The following PLEKHH2 variants were observed in gnomAD, a reference collection of about 807,000 sequenced individuals.
PLEKHH2 encodes the protein pleckstrin homology, MyTH4 and FERM domain containing H2, also known as pleckstrin homology domain-containing family H member 2.
A neutral mutation model predicts 187.9 loss-of-function variants in PLEKHH2; 129 were observed. The observed-to-expected ratio is 0.69, with a 90% CI of 0.59 to 0.79. PLEKHH2 has a LOEUF of 0.79. PLEKHH2 is among the 30% of genes least tolerant of loss of function. The probability of loss-of-function intolerance (pLI) is 0.00; values close to 1 mark genes in which losing one functional copy is unlikely to be tolerated. For missense variants in PLEKHH2, 2,076 were observed against 1,751.2 expected, an observed-to-expected ratio of 1.19 and a Z score of -3.31; for synonymous variants, 686 against 605.6, an observed-to-expected ratio of 1.13 and a Z score of -1.95.
intron 2 of PLEKHH2, among the ~76,000 whole-genome samples, chr2:43,667,998 C>G (rs1475569991): frequency 6.6e-6 from 1 of 152,144 alleles, no homozygotes; most frequent in African/African-American, 2.4e-5. Context: ...ATACTGCCTG[C>G]TCTTTAACAA....
At chr2:43,642,773 A>G (rs1008806019) in intron 1 of PLEKHH2, among the ~76,000 whole-genome samples, 1 of 152,044 alleles carries the variant, frequency 6.6e-6, no homozygotes, top group Non-Finnish European at 1.5e-5. Context: ...ATTGATTTCA[A>G]TTTGTTGAAA....
rs376851824 is a variant in PLEKHH2, at chr2:43,710,584, CTTTTTTTT to C, written c.2301+26_2301+33del. 9.9e-5 allele frequency: 123 copies of C among 1,242,460 alleles called. No individual in the cohort carries two copies. The highest frequency in any genetic ancestry group is 5.6e-4 in the African/African-American group (30 of 53,942). The allele number at this position is 1,242,460 out of a possible 1,614,324, so 77.0% of individuals were successfully genotyped here. On this transcript the variant is annotated intron_variant, in intron 14 of 29. Coordinates refer to ENST00000282406, the MANE Select transcript of PLEKHH2 (RefSeq NM_172069.4). ...ACAAACAAACAGTTCAGGTACTTAA[CTTTTTTTT>C]TTTTTTTTTTTTTTTTGTATCATGC...
chr2:43,682,204 AT>A (rs1331285076), intron 3 of PLEKHH2, among the ~76,000 whole-genome samples: 6 of 152,368 alleles, frequency 3.9e-5, no homozygotes, highest in African/African-American at 1.2e-4. Flanking sequence ...ATTACCAGTA[AT>A]TCTTCAGTAT....
chr2:43,721,070 GA>G (rs1670455948), intron 16 of PLEKHH2, among the ~76,000 whole-genome samples: 1 of 152,150 alleles, frequency 6.6e-6, no homozygotes, highest in Non-Finnish European at 1.5e-5. Flanking sequence ...AAGGTTGATA[GA>G]AGGAAGCAGC....
Position 43,693,204 on chromosome 2 carries a change from C to T in PLEKHH2, c.336+541C>T, listed in dbSNP as rs1478744693. 3.3e-5 allele frequency among the ~76,000 whole-genome samples: 5 copies of T among 152,302 alleles called. No individual in the cohort carries two copies. In the East Asian group the frequency reaches 7.7e-4, roughly 23 times the overall value. On this transcript the variant is annotated intron_variant, in intron 4 of 29. Transcript: ENST00000282406. ...CCTCCCAACCTGCTGGGATTACAGG[C>T]ATGAGCCACCATGCCCAGCCAGATG...
intron 3 of PLEKHH2, among the ~76,000 whole-genome samples, chr2:43,685,530 CA>C (rs1668460480): frequency 6.6e-6 from 1 of 152,026 alleles, no homozygotes; most frequent in Non-Finnish European, 1.5e-5. Context: ...TGTGCTCAAG[CA>C]ATCCTCCCAC....
chr2:43,728,787 C>G (rs1252046107), intron 17 of PLEKHH2, among the ~76,000 whole-genome samples: 1 of 151,916 alleles, frequency 6.6e-6, no homozygotes, highest in Non-Finnish European at 1.5e-5. Context: ...GTCTCAAACC[C>G]CTGACCTCAG....
chr2:43,753,897 C>A, intron 25 of PLEKHH2, 137 bp downstream of exon 25: 1 of 690,658 alleles, frequency 1.4e-6, no homozygotes, highest in Non-Finnish European at 2.2e-6. Flanking sequence ...AAATTACAGG[C>A]ACTATAATTA....
At chr2:43,758,845 A>G (rs576572141) in intron 26 of PLEKHH2, 55 bp from the exon 27 acceptor site, 121 of 1,437,294 alleles carry the variant, frequency 8.4e-5, no homozygotes, top group Non-Finnish European at 1.0e-4. Flanking sequence ...ACTATGACAC[A>G]CTGTTTATGT....
At chr2:43,708,815 G>T (rs1372271802) in intron 11 of PLEKHH2, among the ~76,000 whole-genome samples, 1 of 152,052 alleles carries the variant, frequency 6.6e-6, no homozygotes, top group Non-Finnish European at 1.5e-5. Flanking sequence ...TAGTCTCCTT[G>T]GGCCTTAGCC....
At chr2:43,668,044 G>GT (rs1667302308) in intron 2 of PLEKHH2, among the ~76,000 whole-genome samples, 1 of 152,144 alleles carries the variant, frequency 6.6e-6, no homozygotes, top group Admixed American at 6.5e-5. Context: ...TGTTGTTGTT[G>GT]TTTTTTGAGA....
At chr2:43,641,524 T>TACC (rs1261301123) in intron 1 of PLEKHH2, among the ~76,000 whole-genome samples, 1 of 152,048 alleles carries the variant, frequency 6.6e-6, no homozygotes, top group Non-Finnish European at 1.5e-5. Context: ...GCTCATCAGC[T>TACC]ACCTTTAGTG....
At chr2:43,698,276 C>G (rs1669189071) in intron 7 of PLEKHH2, among the ~76,000 whole-genome samples, 1 of 144,312 alleles carries the variant, frequency 6.9e-6, no homozygotes, top group African/African-American at 2.6e-5. Flanking sequence ...GAGACAGGAT[C>G]TCACTCTGTC....
At chr2:43,672,813 C>T (rs971367902) in intron 2 of PLEKHH2, among the ~76,000 whole-genome samples, 9 of 152,134 alleles carry the variant, frequency 5.9e-5, no homozygotes, top group Admixed American at 6.6e-5. Context: ...CCTCTGGTGC[C>T]TCATCATATA....
chr2:43,637,851 T>C (rs918266812), intron 1 of PLEKHH2, among the ~76,000 whole-genome samples: 1 of 152,202 alleles, frequency 6.6e-6, no homozygotes, highest in Non-Finnish European at 1.5e-5. Flanking sequence ...AGAAGCATTT[T>C]GTACACCTCG....
intron 25 of PLEKHH2, among the ~76,000 whole-genome samples, chr2:43,756,207 T>C (rs1318624948): frequency 6.6e-6 from 1 of 151,992 alleles, no homozygotes; most frequent in Non-Finnish European, 1.5e-5. Context: ...GGAGAAAATC[T>C]AGGAACAAAG....
In PLEKHH2 at chr2:43,759,034, GA is replaced by G. The variant is rs764536626; in HGVS notation, c.4071+8del. On this transcript the variant is annotated splice_donor_region_variant and intron_variant, in intron 27 of 29. Transcript: ENST00000282406. ...GCCAAGTTGTTTCTTGCAAAAGTAA[GA>G]AAGAATGGGAGAGAGATGCATAATG... 2 of 1,611,284 alleles carry G rather than the reference GA, an allele frequency of 1.2e-6. No homozygotes were observed. Among genetic ancestry groups the G allele is most frequent in the African/African-American group, 2.7e-5 (2 of 74,860 alleles).
intron 15 of PLEKHH2, among the ~76,000 whole-genome samples, chr2:43,717,979 A>G (rs1670293706): frequency 6.6e-6 from 1 of 152,214 alleles, no homozygotes; most frequent in Non-Finnish European, 1.5e-5. Context: ...GTGGTGGAGA[A>G]TGCTACAGGG....
At chr2:43,659,920 C>T (rs977750349) in intron 2 of PLEKHH2, among the ~76,000 whole-genome samples, 1 of 152,072 alleles carries the variant, frequency 6.6e-6, no homozygotes, top group African/African-American at 2.4e-5. Context: ...GTAAAAGTCA[C>T]CCTTTTGGGT....
Sources: gnomAD v4.1 joint callset for allele counts (sites outside exome capture counted in the v4.1 genomes callset) on GRCh38, gnomAD v4.1.1 for gene constraint, MANE v1.5 for transcripts, NCBI Gene and HGNC (gene_info 2026-07-23, HGNC 2026-07-21) for gene names.